Variants in RNF212 observed in about 807,000 individuals in gnomAD.
The protein encoded by RNF212 is probable E3 SUMO-protein ligase RNF212.
Under a neutral mutation model 34.7 loss-of-function variants are expected in RNF212, and 33 were observed. The ratio of observed to expected loss-of-function variants is 0.95; its 90% CI spans 0.72 to 1.27. RNF212 has a LOEUF of 1.27. Ranked by LOEUF, RNF212 falls within the 50% of genes most tolerant of loss-of-function variation. The probability of loss-of-function intolerance (pLI) is 0.00; values close to 1 mark genes in which losing one functional copy is unlikely to be tolerated. For missense variants in RNF212, 377 were observed against 362.2 expected (o/e 1.04, Z -0.33); for synonymous variants, 140 against 136.1 (o/e 1.03, Z -0.20).
intron 3 of RNF212, among the ~76,000 whole-genome samples, chr4:1,063,038 G>A (rs1024899391): frequency 8.5e-5 from 13 of 152,108 alleles, no homozygotes; most frequent in South Asian, 2.1e-4. Flanking sequence ...GCAAAATACC[G>A]TTGAAAGAAA....
intron 2 of RNF212, among the ~76,000 whole-genome samples, chr4:1,103,960 C>T (rs949544717): frequency 7.3e-5 from 11 of 151,280 alleles, no homozygotes; most frequent in Admixed American, 4.6e-4. Flanking sequence ...AACATGTTGG[C>T]GTATGTAAAT....
At chr4:1,094,070 T>G in intron 3 of RNF212, 1 of 1,350,082 alleles carries the variant, frequency 7.4e-7, no homozygotes, top group Non-Finnish European at 9.6e-7. Flanking sequence ...GAGGACAGTC[T>G]TGGGGACCTG....
Position 1,108,363 on chromosome 4 carries a change from TACG to T in RNF212, c.148_150del (p.Arg50del), listed in dbSNP as rs774889937. 8.1e-5 allele frequency: 122 copies of T among 1,511,252 alleles called. No individual in the cohort carries two copies. In the Admixed American group the frequency reaches 1.6e-3, roughly 20 times the overall value. 93.6% of individuals were successfully genotyped at this position (1,511,252 alleles called of 1,614,324 possible). ...CTTACATGCTTTGAAAGCAAAACTG[TACG>T]ACAAGGAGCTTTACAAATCAAGCAT... On this transcript the variant is annotated inframe_deletion, in exon 2 of 10. Transcript: ENST00000433731.
downstream of RNF212, among the ~76,000 whole-genome samples, chr4:1,068,353 G>A (rs531843561): frequency 6.6e-6 from 1 of 152,170 alleles, no homozygotes; most frequent in Non-Finnish European, 1.5e-5. Flanking sequence ...TCCTTCTATT[G>A]TCTTGATTGT....
intron 2 of RNF212, among the ~76,000 whole-genome samples, chr4:1,102,988 C>CAAAAAAAAAAAAA (rs35322395): frequency 6.9e-6 from 1 of 145,486 alleles, no homozygotes. Context: ...TAAAAAAATA[C>CAAAAAAAAAAAAA]AAAAAAAAAA....
chr4:1,093,255 G>T, intron 3 of RNF212: 1 of 533,558 alleles, frequency 1.9e-6, no homozygotes, highest in Non-Finnish European at 2.8e-6. Flanking sequence ...AGAGAGCTTT[G>T]CTTATGTGGG....
rs546667025 is a variant in RNF212, at chr4:1,081,770, T to C, written c.363-151A>G. 6.3e-6 allele frequency: 4 copies of C among 636,320 alleles called. No homozygotes were observed. The South Asian group carries it at 7.5e-5, about 12-fold the overall frequency. 39.4% of individuals were successfully genotyped at this position (636,320 alleles called of 1,614,324 possible). ...TTTCACATGAATTCAGCAGTTCCCATAGCGTCCTGTGAGTCGCACGGCCCT... is the reference window on the plus strand; with the variant it reads ...TTTCACATGAATTCAGCAGTTCCCACAGCGTCCTGTGAGTCGCACGGCCCT... On this transcript the variant is annotated intron_variant, in intron 5 of 9. Coordinates refer to ENST00000433731, the MANE Select transcript of RNF212 (RefSeq NM_001131034.4).
intron 3 of RNF212, among the ~76,000 whole-genome samples, chr4:1,092,852 G>A (rs1365693789): frequency 1.3e-5 from 2 of 152,354 alleles, no homozygotes; most frequent in East Asian, 1.9e-4. Flanking sequence ...TCACTCACGC[G>A]GACTCTCGCC....
At chr4:1,111,030 C>T (rs1351186014) in intron 1 of RNF212, among the ~76,000 whole-genome samples, 2 of 152,196 alleles carry the variant, frequency 1.3e-5, no homozygotes, top group Non-Finnish European at 2.9e-5. Flanking sequence ...CTTCACACTT[C>T]CCAGCACCAC....
At chr4:1,112,425 G>A (rs1371758589) in intron 1 of RNF212, among the ~76,000 whole-genome samples, 1 of 152,036 alleles carries the variant, frequency 6.6e-6, no homozygotes, top group Non-Finnish European at 1.5e-5. Flanking sequence ...AAGTTCGCTT[G>A]GTAAAAGCTC....
chr4:1,096,941 C>A, intron 2 of RNF212, 102 bp from the exon 3 acceptor site: 1 of 863,586 alleles, frequency 1.2e-6, no homozygotes, highest in South Asian at 1.4e-5. Flanking sequence ...CTATAGATGA[C>A]TCAAGTGGCC....
chr4:1,067,684 G>A (rs1334941138), downstream of RNF212, among the ~76,000 whole-genome samples: 4 of 152,154 alleles, frequency 2.6e-5, no homozygotes, highest in Non-Finnish European at 5.9e-5. Context: ...CGTCAACATG[G>A]TGAACTCCGT....
intron 3 of RNF212, among the ~76,000 whole-genome samples, chr4:1,062,547 A>G (rs1038140589): frequency 1.3e-5 from 2 of 152,214 alleles, no homozygotes; most frequent in Non-Finnish European, 2.9e-5. Flanking sequence ...ACCATCCTTC[A>G]TGGTGAAAGG....
intron 2 of RNF212, among the ~76,000 whole-genome samples, chr4:1,106,219 A>C (rs1226056475): frequency 6.6e-6 from 1 of 151,666 alleles, no homozygotes; most frequent in Non-Finnish European, 1.5e-5. Flanking sequence ...GAGAAGCAGG[A>C]ACAACTTCTA....
intron 8 of RNF212, among the ~76,000 whole-genome samples, chr4:1,075,907 CCTGA>C (rs1190796176): frequency 1.3e-5 from 2 of 152,094 alleles, no homozygotes; most frequent in Non-Finnish European, 2.9e-5. Context: ...AAGGGATCTG[CCTGA>C]CTCAGCTCCC....
intron 8 of RNF212, among the ~76,000 whole-genome samples, chr4:1,075,507 G>A (rs548847234): frequency 5.9e-5 from 9 of 152,312 alleles, no homozygotes; most frequent in East Asian, 3.9e-4. Context: ...GCCAGATCTC[G>A]TGAGAACTCA....
intron 4 of RNF212, among the ~76,000 whole-genome samples, chr4:1,089,083 G>T (rs1419317932): frequency 6.6e-6 from 1 of 152,220 alleles, no homozygotes; most frequent in Non-Finnish European, 1.5e-5. Context: ...TGAGAAGAGG[G>T]CCACTGTCCT....
downstream of RNF212, among the ~76,000 whole-genome samples, chr4:1,069,455 A>G (rs977996682): frequency 3.3e-5 from 5 of 152,230 alleles, 1 homozygote; most frequent in Admixed American, 2.0e-4. Context: ...ACACTCATCC[A>G]TTATGGGGGA....
At chr4:1,071,118 T>G (rs1428872872), downstream of RNF212, among the ~76,000 whole-genome samples, 1 of 151,788 alleles carries the variant, frequency 6.6e-6, no homozygotes, top group Non-Finnish European at 1.5e-5. Flanking sequence ...AACTAATTTG[T>G]TTTTTTAAAT....
Sources: gnomAD v4.1 joint callset for allele counts (sites outside exome capture counted in the v4.1 genomes callset) on GRCh38, gnomAD v4.1.1 for gene constraint, MANE v1.5 for transcripts, NCBI Gene and HGNC (gene_info 2026-07-23, HGNC 2026-07-21) for gene names.